GRIK4: variants seen among roughly 807,000 people sequenced by gnomAD.
The protein encoded by GRIK4 is glutamate receptor ionotropic, kainate 4.
In GRIK4, 40 loss-of-function variants were observed where a neutral mutation model predicts 104.9. The ratio of observed to expected loss-of-function variants is 0.38; its 90% CI spans 0.30 to 0.50. GRIK4 has a LOEUF of 0.50. Among genes scored for constraint, GRIK4 ranks in the 20% least tolerant of loss-of-function variants. GRIK4 has a pLI of 0.93. For synonymous variants in GRIK4, 485 were observed against 524.9 expected (o/e 0.92, Z 1.04); for missense variants, 1,047 against 1,308.1 (o/e 0.80, Z 3.08).
chr11:120,843,205 G>A (rs550233474), intron 8 of GRIK4, among the ~76,000 whole-genome samples: 2 of 152,388 alleles, frequency 1.3e-5, no homozygotes, highest in Non-Finnish European at 2.9e-5. Context: ...GTGACTAGCT[G>A]GACTCCAGCG....
intron 13 of GRIK4, among the ~76,000 whole-genome samples, chr11:120,911,087 T>C (rs978885051): frequency 6.6e-6 from 1 of 152,012 alleles, no homozygotes; most frequent in Non-Finnish European, 1.5e-5. Context: ...CTGTCATTGA[T>C]GAAGGGCCTG....
intron 19 of GRIK4, among the ~76,000 whole-genome samples, chr11:120,973,588 C>G (rs1944511029): frequency 6.6e-6 from 1 of 152,166 alleles, no homozygotes; most frequent in Non-Finnish European, 1.5e-5. Context: ...CTGGGAGATG[C>G]TATGCAAATC....
At chr11:120,636,526 G>T (rs966888212) in intron 1 of GRIK4, among the ~76,000 whole-genome samples, 1 of 152,192 alleles carries the variant, frequency 6.6e-6, no homozygotes, top group African/African-American at 2.4e-5. Flanking sequence ...TTGGGGATCA[G>T]TTCGGATTCT....
At chr11:120,548,398 T>C (rs1948107068) in intron 1 of GRIK4, among the ~76,000 whole-genome samples, 1 of 151,768 alleles carries the variant, frequency 6.6e-6, no homozygotes, top group Non-Finnish European at 1.5e-5. Flanking sequence ...GGCAAGGGGA[T>C]TGCAAGCAGA....
intron 1 of GRIK4, among the ~76,000 whole-genome samples, chr11:120,574,164 G>A (rs758232755): frequency 1.3e-5 from 2 of 152,194 alleles, no homozygotes; most frequent in Non-Finnish European, 2.9e-5. Context: ...TGCCAGGTGC[G>A]TGGTGGGGCT....
rs11378503 is a variant in GRIK4, at chr11:120,930,003, G to GC, written c.1477-10344_1477-10343insC. Among the ~76,000 whole-genome samples the GC allele has an allele frequency of 1.1e-3, 125 of 110,722 alleles. 1 individual carries two copies. The highest frequency in any genetic ancestry group is 5.3e-3 in the African/African-American group (118 of 22,086). 72.6% of individuals were successfully genotyped at this position (110,722 alleles called of 152,430 possible). On this transcript the variant is annotated intron_variant, in intron 13 of 20. Coordinates refer to ENST00000527524, the MANE Select transcript of GRIK4 (RefSeq NM_014619.5). Reference sequence around the variant, plus strand: ...AGGGGCTCGAGGGCAGGCCACGTTTGGGGGGGGGGTCCCCTCCTTACCCAC... The same window carrying GC: ...AGGGGCTCGAGGGCAGGCCACGTTTGCGGGGGGGGGTCCCCTCCTTACCCAC...
intron 3 of GRIK4, among the ~76,000 whole-genome samples, chr11:120,705,982 C>T (rs1950623280): frequency 6.6e-6 from 1 of 152,162 alleles, no homozygotes; most frequent in South Asian, 2.1e-4. Context: ...TCTGGTGAGG[C>T]TTCCAGGACA....
At chr11:120,788,617 C>T (rs931853236) in intron 3 of GRIK4, among the ~76,000 whole-genome samples, 4 of 152,158 alleles carry the variant, frequency 2.6e-5, no homozygotes, top group Admixed American at 1.3e-4. Flanking sequence ...CCTTCTCTCA[C>T]CCCAGATGAG....
In GRIK4 at chr11:120,967,332, G is replaced by C; in HGVS notation, c.2395+9G>C. Reference sequence around the variant, plus strand: ...AGATCACAGAGCTAAAGGTAAGGACGTTCAGGGCCATCCTCCTCCTGCCCT... The same window carrying C: ...AGATCACAGAGCTAAAGGTAAGGACCTTCAGGGCCATCCTCCTCCTGCCCT... On this transcript the variant is annotated intron_variant, in intron 19 of 20. Coordinates refer to ENST00000527524, the MANE Select transcript of GRIK4 (RefSeq NM_014619.5). The surrounding 1 kb of genome is among the most constrained non-coding windows in gnomAD (Gnocchi z 4.2). 6.2e-7 allele frequency: 1 copy of C among 1,606,130 alleles called. No homozygotes were observed. The highest frequency in any genetic ancestry group is 8.5e-7 in the Non-Finnish European group (1 of 1,176,190).
At chr11:120,621,411 T>C (rs1179807831) in intron 1 of GRIK4, among the ~76,000 whole-genome samples, 1 of 152,202 alleles carries the variant, frequency 6.6e-6, no homozygotes, top group African/African-American at 2.4e-5. Context: ...TAAGCTTGTT[T>C]AGTGCAAGGA....
In GRIK4 at chr11:120,952,864, C is replaced by G; in HGVS notation, c.1600C>G (p.Pro534Ala). Residue 534 changes from proline (P) to alanine (A), a missense_variant, in exon 15 of 21, where the codon CCC (proline) becomes GCC (alanine). Coordinates refer to ENST00000527524, the MANE Select transcript of GRIK4 (RefSeq NM_014619.5). This position sits in a 1 kb window ranked among gnomAD's most constrained non-coding sequence, Gnocchi z 5.2. ...TTCTCTCCATTTCCAGGGACGCAAACCCGGCTATTTCTCCTTCCTGGACCC... is the reference window on the plus strand; with the variant it reads ...TTCTCTCCATTTCCAGGGACGCAAAGCCGGCTATTTCTCCTTCCTGGACCC... Reference protein sequence around the residue: ...ILYRVHMGRKPGYFSFLDPFS... With the variant: ...ILYRVHMGRKAGYFSFLDPFS... 1 of 1,612,068 alleles carries G rather than the reference C, an allele frequency of 6.2e-7. No homozygotes were observed. Among genetic ancestry groups the G allele is most frequent in the Non-Finnish European group, 8.5e-7 (1 of 1,178,128 alleles).
intron 1 of GRIK4, chr11:120,564,416 C>G (rs1286357135): frequency 6.6e-6 from 1 of 152,310 alleles, no homozygotes; most frequent in Non-Finnish European, 1.5e-5. Flanking sequence ...CGCCCGCCCC[C>G]GCTTTGCCCG....
chr11:120,951,929 T>G (rs1944010441), intron 14 of GRIK4, among the ~76,000 whole-genome samples: 2 of 152,256 alleles, frequency 1.3e-5, no homozygotes, highest in Non-Finnish European at 2.9e-5. Context: ...GTGGGCCGTA[T>G]GCATCCATAA....
chr11:120,891,303 C>T (rs1271598278), intron 11 of GRIK4, among the ~76,000 whole-genome samples: 2 of 152,288 alleles, frequency 1.3e-5, no homozygotes, highest in Non-Finnish European at 2.9e-5. Context: ...TTCATTTCAT[C>T]CCTGCTTACA....
chr11:120,980,401 G>T (rs1275976493), intron 19 of GRIK4, among the ~76,000 whole-genome samples: 1 of 152,162 alleles, frequency 6.6e-6, no homozygotes, highest in Non-Finnish European at 1.5e-5. Context: ...TGAAGTATCT[G>T]CCTACAACCC....
intron 15 of GRIK4, among the ~76,000 whole-genome samples, chr11:120,955,276 G>A (rs1944115913): frequency 6.6e-6 from 1 of 152,146 alleles, no homozygotes; most frequent in South Asian, 2.1e-4. Context: ...AGCTCCTCGG[G>A]ACCCACACAG....
intron 11 of GRIK4, among the ~76,000 whole-genome samples, chr11:120,889,636 C>CTTTTTT (rs1555086568): frequency 1.5e-5 from 1 of 67,016 alleles, no homozygotes; most frequent in African/African-American, 5.4e-5. Flanking sequence ...TGGAGTTTTA[C>CTTTTTT]TCTTGTTGGC....
intron 13 of GRIK4, among the ~76,000 whole-genome samples, chr11:120,913,501 GGA>G (rs1412056689): frequency 6.6e-6 from 1 of 151,480 alleles, no homozygotes; most frequent in Non-Finnish European, 1.5e-5. Flanking sequence ...GCCCTGCTTG[GGA>G]GAGAGTAAAG....
intron 1 of GRIK4, among the ~76,000 whole-genome samples, chr11:120,612,277 A>G (rs1036363956): frequency 6.6e-6 from 1 of 152,166 alleles, no homozygotes; most frequent in Admixed American, 6.5e-5. Flanking sequence ...ACTTTGTTGA[A>G]TGAATGAATG....
Sources: allele counts gnomAD v4.1 joint callset (sites outside exome capture counted in the v4.1 genomes callset), GRCh38; gene constraint gnomAD v4.1.1; non-coding constraint Gnocchi (gnomAD v3.1); transcripts MANE v1.5; gene names NCBI Gene and HGNC (gene_info 2026-07-23, HGNC 2026-07-21).